Variants in NID1 observed in about 807,000 individuals in gnomAD.
NID1 encodes nidogen 1, also known as nidogen-1.
In NID1, 76 loss-of-function variants were observed where a neutral mutation model predicts 130.6. The observed-to-expected ratio is 0.58, with a 90% CI of 0.48 to 0.70. The LOEUF is 0.70. Ranked by LOEUF, NID1 falls within the 30% of genes least tolerant of loss-of-function variation. The pLI is 0.00. For synonymous variants in NID1, 665 were observed against 675.1 expected, an observed-to-expected ratio of 0.98 and a Z score of 0.23; for missense variants, 1,517 against 1,664.8, an observed-to-expected ratio of 0.91 and a Z score of 1.54.
chr1:236,009,107 C>T (rs1410582706), intron 12 of NID1, among the ~76,000 whole-genome samples: 2 of 152,200 alleles, frequency 1.3e-5, no homozygotes, highest in East Asian at 1.9e-4. Flanking sequence ...CCTCCCAAAT[C>T]CACGTACTGA....
At chr1:236,019,795 A>G (rs1041025054) in intron 9 of NID1, among the ~76,000 whole-genome samples, 1 of 152,106 alleles carries the variant, frequency 6.6e-6, no homozygotes, top group South Asian at 2.1e-4. Flanking sequence ...TAACCCCAGC[A>G]CTCTGGGAGG....
chr1:236,020,059 C>CAAAAAAAA (rs1553345425), intron 9 of NID1, among the ~76,000 whole-genome samples: 1 of 81,580 alleles, frequency 1.2e-5, no homozygotes, highest in African/African-American at 3.7e-5. Flanking sequence ...AAAAAAAAAA[C>CAAAAAAAA]AAAAACAAAC....
chr1:236,064,588 C>G, intron 1 of NID1: 1 of 444,752 alleles, frequency 2.2e-6, no homozygotes. Flanking sequence ...GGGGAGGAAG[C>G]TCCGCGGGGT....
intron 6 of NID1, among the ~76,000 whole-genome samples, chr1:236,030,020 A>AG (rs772122277): frequency 6.6e-6 from 1 of 152,288 alleles, no homozygotes; most frequent in Admixed American, 6.5e-5. Flanking sequence ...AGCGGAGGAC[A>AG]GGGGTTGGAC....
chr1:235,997,007 T>C (rs1657945877), intron 12 of NID1, among the ~76,000 whole-genome samples: 2 of 152,146 alleles, frequency 1.3e-5, no homozygotes, highest in South Asian at 4.1e-4. Context: ...GCTAATTTTG[T>C]ATTTTTAGTA....
At chr1:235,993,023 G>A (rs933304495) in intron 13 of NID1, among the ~76,000 whole-genome samples, 1 of 151,226 alleles carries the variant, frequency 6.6e-6, no homozygotes, top group African/African-American at 2.5e-5. Flanking sequence ...AGTCACACAG[G>A]GCCCCTGGCC....
chr1:236,032,876 G>A (rs1157088866), intron 5 of NID1, among the ~76,000 whole-genome samples: 1 of 152,194 alleles, frequency 6.6e-6, no homozygotes, highest in African/African-American at 2.4e-5. Context: ...CTCTTCCTGT[G>A]ACTGAAAATG....
chr1:236,043,489 C>T (rs1209804452), intron 3 of NID1, among the ~76,000 whole-genome samples: 14 of 152,072 alleles, frequency 9.2e-5, no homozygotes, highest in Admixed American at 4.6e-4. Context: ...ACATTGCAGA[C>T]GTGGTTTTTT....
intron 16 of NID1, among the ~76,000 whole-genome samples, chr1:235,980,902 A>G (rs1279704559): frequency 6.6e-6 from 1 of 152,240 alleles, no homozygotes; most frequent in Non-Finnish European, 1.5e-5. Context: ...GACATATAAT[A>G]TCTCAATGAA....
Position 236,045,506 on chromosome 1 carries a change from C to A in NID1, c.703G>T (p.Ala235Ser), listed in dbSNP as rs1468917679. Reference sequence around the variant, plus strand: ...CTGTCATTAGCAAATATGTTATAAGCTCCGTTGCTCTTCCATAAGAATCCC... The same window carrying A: ...CTGTCATTAGCAAATATGTTATAAGATCCGTTGCTCTTCCATAAGAATCCC... ...SVGFLWKSNG[A>S]YNIFANDRES... The change falls in exon 3 of 20, where the codon GCT becomes TCT. Residue 235 changes from alanine to serine, a missense_variant. By Grantham distance (99) the Ala-to-Ser change is moderately conservative (BLOSUM62 1). Around this residue, in one of 3 missense-constraint regions of NID1, gnomAD observed 1,329 missense variants for 1,429.2 expected, o/e 0.93. Coordinates refer to ENST00000264187, the MANE Select transcript of NID1 (RefSeq NM_002508.3). 6.2e-7 allele frequency: 1 copy of A among 1,614,030 alleles called. No individual in the cohort carries two copies. The highest frequency in any genetic ancestry group is 1.7e-5 in the Admixed American group (1 of 59,992).
intron 13 of NID1, among the ~76,000 whole-genome samples, chr1:235,992,875 G>A (rs1657797257): frequency 6.6e-6 from 1 of 152,174 alleles, no homozygotes; most frequent in African/African-American, 2.4e-5. Flanking sequence ...ATTCGCTTTT[G>A]GTAGTTTGTG....
chr1:235,981,492 T>G (rs1657435379), intron 16 of NID1, 119 bp downstream of exon 16: 1 of 1,096,232 alleles, frequency 9.1e-7, no homozygotes, highest in Non-Finnish European at 1.3e-6. Context: ...GTAGACTCTT[T>G]CGTCCCGTAC....
intron 5 of NID1, among the ~76,000 whole-genome samples, chr1:236,036,522 A>T (rs1659267654): frequency 6.6e-6 from 1 of 152,246 alleles, no homozygotes; most frequent in South Asian, 2.1e-4. Context: ...CATTAAACAC[A>T]CAAGGAAAAT....
In NID1 at chr1:236,050,173, C is replaced by T. The variant is rs141294161; in HGVS notation, c.226-1184G>A. On this transcript the variant is annotated intron_variant, in intron 1 of 19. Transcript: ENST00000264187. ...CACTGGGATTTGAACCCACGGAGTCCGACTCCAAAATTGGTCCTTTTCCAA... is the reference window on the plus strand; with the variant it reads ...CACTGGGATTTGAACCCACGGAGTCTGACTCCAAAATTGGTCCTTTTCCAA... 1.1e-3 allele frequency among the ~76,000 whole-genome samples: 173 copies of T among 152,284 alleles called. 1 individual carries two copies. The highest frequency in any genetic ancestry group is 3.6e-3 in the African/African-American group (150 of 41,554).
chr1:236,018,777 A>G (rs1413861656), intron 9 of NID1, among the ~76,000 whole-genome samples: 1 of 151,764 alleles, frequency 6.6e-6, no homozygotes, highest in African/African-American at 2.4e-5. Flanking sequence ...TAAAACAAAT[A>G]AGACATGTTT....
chr1:235,977,569 A>G lies in NID1; in HGVS notation c.*298T>C. On this transcript the variant is annotated 3_prime_UTR_variant, in exon 20 of 20. Transcript: ENST00000264187. Reference sequence around the variant, plus strand: ...CCACTGGGGGGCTAGTATTGGGAAAAGGTCCTAGGACACTGGGATGGGCAT... The same window carrying G: ...CCACTGGGGGGCTAGTATTGGGAAAGGGTCCTAGGACACTGGGATGGGCAT... 1.5e-5 allele frequency: 4 copies of G among 267,776 alleles called. No individual in the cohort carries two copies. Among genetic ancestry groups the G allele is most frequent in the Non-Finnish European group, 2.2e-5 (3 of 138,642 alleles). The allele number at this position is 267,776 out of a possible 1,614,324, so 16.6% of individuals were successfully genotyped here.
At position 236,032,704 on chromosome 1, in the gene NID1, T is replaced by A. The variant is rs3856246; in HGVS notation, c.1286-52A>T. ...TAGAGATCACTTCCAAGCCAGTCTT[T>A]CAAACACGAGTAATATGTAGGACCT... On this transcript the variant is annotated intron_variant, in intron 5 of 19. Coordinates refer to ENST00000264187, the MANE Select transcript of NID1 (RefSeq NM_002508.3). 9 of 1,599,008 alleles carry A rather than the reference T, an allele frequency of 5.6e-6. No homozygotes were observed. In the African/African-American group the frequency reaches 1.2e-4, roughly 22 times the overall value.
At chr1:236,060,656 C>T (rs1249753649) in intron 1 of NID1, 1 of 152,062 alleles carries the variant, frequency 6.6e-6, no homozygotes, top group East Asian at 1.9e-4. Context: ...AGATTACTTT[C>T]CAACATTTAA....
rs112973326 is a variant in NID1 at position 236,017,124 on chromosome 1, C to T, written c.2254+24G>A. 636 of 1,613,794 alleles carry T rather than the reference C, an allele frequency of 3.9e-4. 1 individual carries two copies. In the African/African-American group the frequency reaches 6.6e-3, roughly 17 times the overall value. On this transcript the variant is annotated intron_variant, in intron 10 of 19. Coordinates refer to ENST00000264187, the MANE Select transcript of NID1 (RefSeq NM_002508.3). ...AATGCACACCATGTGAATACTGTTT[C>T]GAAAAGTTACCTGGAGAACTTACCC... is the stretch of plus-strand genomic sequence containing the variant.
Sources: gnomAD v4.1 joint callset for allele counts (sites outside exome capture counted in the v4.1 genomes callset) on GRCh38, gnomAD v4.1.1 for gene constraint, gnomAD v4.1.1 regional missense constraint, MANE v1.5 for transcripts, NCBI Gene and HGNC (gene_info 2026-07-23, HGNC 2026-07-21) for gene names.